Variants in BPTF observed in about 807,000 individuals in gnomAD.
BPTF encodes nucleosome-remodeling factor subunit BPTF.
BPTF carries 18 observed loss-of-function variants against 292.5 expected under a neutral mutation model. That is an observed-to-expected ratio of 0.06 (90% confidence interval 0.04 to 0.09). The LOEUF (loss-of-function observed/expected upper bound fraction) is 0.09, where lower values mean the gene tolerates loss of function less well. BPTF is among the 10% of genes least tolerant of loss of function. The pLI, the probability that BPTF is intolerant of heterozygous loss-of-function variation, is 1.00. For synonymous variants in BPTF, 1,225 were observed against 1,251.9 expected (o/e 0.98, Z 0.45); for missense variants, 2,726 against 3,498.7 (o/e 0.78, Z 5.57).
chr17:67,857,656 A>G (rs2058784187), intron 2 of BPTF, among the ~76,000 whole-genome samples: 1 of 150,952 alleles, frequency 6.6e-6, no homozygotes, highest in African/African-American at 2.4e-5. Flanking sequence ...TTGTAGAGAC[A>G]GGGTTTCACC....
chr17:67,826,813 G>A (rs763263667), intron 1 of BPTF, among the ~76,000 whole-genome samples: 1 of 152,092 alleles, frequency 6.6e-6, no homozygotes, highest in Non-Finnish European at 1.5e-5. Context: ...GGGAATTAAG[G>A]ATTTGGACAG....
chr17:67,954,068 C>T (rs2066686296), intron 23 of BPTF, among the ~76,000 whole-genome samples: 1 of 133,398 alleles, frequency 7.5e-6, no homozygotes, highest in East Asian at 2.2e-4. Context: ...CACACCACAG[C>T]TTCCACCTAC....
At position 67,940,595 on chromosome 17, in the gene BPTF, G is replaced by T. The variant is rs1555671520; in HGVS notation, c.6416G>T (p.Arg2139Leu). ...CAGTCTTCAGCCTCACAACCCCCTC[G>T]CCCCCAACAAGGACAAGTGAAGCTC... is the stretch of plus-strand genomic sequence containing the variant. ...NIQSSASQPP[R>L]PQQGQVKLTM... Residue 2139 changes from arginine to leucine, a missense_variant, in exon 19 of 28, where the codon CGC (arginine) becomes CTC (leucine). Arg to Leu is a moderately radical substitution (Grantham distance 102, BLOSUM62 -2). Around this residue, in one of 22 missense-constraint regions of BPTF, gnomAD observed 570 missense variants for 633.5 expected, o/e 0.90. Coordinates refer to ENST00000306378, the MANE Select transcript of BPTF (RefSeq NM_182641.4). The T allele has an allele frequency of 1.2e-6, 2 of 1,613,868 alleles. No individual in the cohort carries two copies. The highest frequency in any genetic ancestry group is 2.2e-5 in the East Asian group (1 of 44,880).
intron 7 of BPTF, among the ~76,000 whole-genome samples, chr17:67,900,500 C>G (rs1299823873): frequency 2.0e-5 from 3 of 151,364 alleles, no homozygotes; most frequent in Admixed American, 2.0e-4. Context: ...GGAGGTGAAG[C>G]GGGAGGATTG....
intron 18 of BPTF, among the ~76,000 whole-genome samples, chr17:67,934,821 A>G (rs4791299): frequency 0.34 from 50,626 of 146,882 alleles, 11,349 homozygotes; most frequent in East Asian, 0.68. Flanking sequence ...ATGGTGAGCC[A>G]AGATGGTGCC....
chr17:67,944,588 AAG>A lies in BPTF; in HGVS notation c.6700+228_6700+229del, dbSNP rs879976860. ...CACCACCCTCTCCCTCCTATTAAAA[AAG>A]AGAGAGAGAGAAAGGGGGCAAAAAT... On this transcript the variant is annotated intron_variant, in intron 20 of 27. Coordinates refer to ENST00000306378, the MANE Select transcript of BPTF (RefSeq NM_182641.4). The A allele has an allele frequency of 4.6e-3, 2,590 of 559,732 alleles. 11 individuals are homozygous for A. Among genetic ancestry groups the A allele is most frequent in the Non-Finnish European group, 6.7e-3 (2,116 of 315,596 alleles). 34.7% of individuals were successfully genotyped at this position (559,732 alleles called of 1,614,324 possible).
chr17:67,924,467 A>G (rs1253393263), intron 14 of BPTF, 80 bp from the exon 15 acceptor site: 2 of 1,391,446 alleles, frequency 1.4e-6, no homozygotes, highest in Non-Finnish European at 2.0e-6. Context: ...TGATGTGAAA[A>G]TCAACCAGAT....
rs1404763027 is a variant in BPTF at position 67,912,849 on chromosome 17, C to T, written c.4965C>T (p.Thr1655=). ...TCTCTGTAAAGGAGCAGAGCAAAACCGTGGTCACCACGACAGTGACAGACT... is the reference window on the plus strand; with the variant it reads ...TCTCTGTAAAGGAGCAGAGCAAAACTGTGGTCACCACGACAGTGACAGACT... The part of the protein sequence containing the change: ...DIISVKEQSK[T]VVTTTVTDSL... Residue 1655 remains threonine, a synonymous_variant, in exon 11 of 28, where the codon ACC becomes ACT. Coordinates refer to ENST00000306378, the MANE Select transcript of BPTF (RefSeq NM_182641.4). 10 of 1,614,006 alleles carry T rather than the reference C, an allele frequency of 6.2e-6. No homozygotes were observed. The highest frequency in any genetic ancestry group is 1.3e-5 in the African/African-American group (1 of 74,930).
intron 7 of BPTF, among the ~76,000 whole-genome samples, chr17:67,901,300 T>C (rs1252756719): frequency 7.0e-6 from 1 of 142,968 alleles, no homozygotes; most frequent in East Asian, 1.9e-4. Context: ...TGATGAAGAA[T>C]TGTTAAAAAA....
At chr17:67,849,581 A>T (rs8081517) in intron 1 of BPTF, among the ~76,000 whole-genome samples, 46,379 of 151,992 alleles carry the variant, frequency 0.31, 8,442 homozygotes, top group East Asian at 0.66. Flanking sequence ...ACCTATCAGG[A>T]TATAGGGAGG....
At chr17:67,892,471 G>A (rs1311786932) in intron 5 of BPTF, among the ~76,000 whole-genome samples, 1 of 152,244 alleles carries the variant, frequency 6.6e-6, no homozygotes, top group Non-Finnish European at 1.5e-5. Flanking sequence ...GCAGAGTACT[G>A]TGGATAGGAC....
intron 1 of BPTF, among the ~76,000 whole-genome samples, chr17:67,838,626 G>A (rs1288398951): frequency 2.6e-5 from 4 of 152,150 alleles, no homozygotes; most frequent in African/African-American, 7.2e-5. Flanking sequence ...ACAGGTGCTC[G>A]CTGCCATGCC....
In BPTF at chr17:67,912,514, G is replaced by A; in HGVS notation, c.4630G>A (p.Val1544Ile). The A allele has an allele frequency of 1.2e-6, 2 of 1,613,924 alleles. No individual in the cohort carries two copies. Among genetic ancestry groups the A allele is most frequent in the Non-Finnish European group, 1.7e-6 (2 of 1,179,948 alleles). The change falls in exon 11 of 28, where the codon GTT becomes ATT. Residue 1544 changes from valine (V) to isoleucine (I), a missense_variant. Val to Ile is a conservative substitution (Grantham distance 29). Transcript: ENST00000306378. ...MEIETSEVKK[V>I]TSSPITSEEE... Reference sequence around the variant, plus strand: ...AATAGAAACCTCAGAAGTTAAGAAAGTTACTTCATCACCTATTACTTCTGA... The same window carrying A: ...AATAGAAACCTCAGAAGTTAAGAAAATTACTTCATCACCTATTACTTCTGA...
chr17:67,980,920 A>G lies in BPTF; in HGVS notation c.8727-1332A>G, dbSNP rs146356572. 1.6e-4 allele frequency among the ~76,000 whole-genome samples: 24 copies of G among 152,348 alleles called. No homozygotes were observed. In the East Asian group the frequency reaches 4.4e-3, roughly 28 times the overall value. On this transcript the variant is annotated intron_variant, in intron 27 of 27. Coordinates refer to ENST00000306378, the MANE Select transcript of BPTF (RefSeq NM_182641.4). The stretch of plus-strand genomic sequence containing the variant: ...TGCCTGTGATACCAACACTTTGAGA[A>G]GCCAAAGCAGGCAGTTCGCTTGAGC...
chr17:67,963,505 C>A (rs1555685118), intron 24 of BPTF: 1 of 1,519,866 alleles, frequency 6.6e-7, no homozygotes, highest in African/African-American at 1.4e-5. Context: ...TGATGAGTCA[C>A]AGTGAGTTCT....
At chr17:67,838,894 G>A (rs1192153772) in intron 1 of BPTF, among the ~76,000 whole-genome samples, 2 of 152,094 alleles carry the variant, frequency 1.3e-5, no homozygotes, top group Non-Finnish European at 2.9e-5. Context: ...TGCTCTGCTG[G>A]GGCTTCTAGT....
chr17:67,840,297 G>A (rs2057447744), intron 1 of BPTF, among the ~76,000 whole-genome samples: 1 of 151,918 alleles, frequency 6.6e-6, no homozygotes, highest in South Asian at 2.1e-4. Flanking sequence ...TGTAGAGATA[G>A]GGTTTCATTA....
chr17:67,902,782 C>T (rs558128312), intron 7 of BPTF, among the ~76,000 whole-genome samples: 7 of 152,252 alleles, frequency 4.6e-5, no homozygotes, highest in East Asian at 3.9e-4. Context: ...CACATCTTTT[C>T]GGCATCACTA....
At chr17:67,976,867 C>A (rs571075207) in intron 27 of BPTF, among the ~76,000 whole-genome samples, 1 of 152,156 alleles carries the variant, frequency 6.6e-6, no homozygotes, top group African/African-American at 2.4e-5. Flanking sequence ...AGCCCCTGCA[C>A]TCTATGAGGG....
Sources: gnomAD v4.1 joint callset for allele counts (sites outside exome capture counted in the v4.1 genomes callset) on GRCh38, gnomAD v4.1.1 for gene constraint, gnomAD v4.1.1 regional missense constraint, MANE v1.5 for transcripts, NCBI Gene and HGNC (gene_info 2026-07-23, HGNC 2026-07-21) for gene names.